Variants in PDZRN3 observed in about 807,000 individuals in gnomAD.
PDZRN3 encodes the protein PDZ domain containing ring finger 3.
In PDZRN3, 38 loss-of-function variants were observed where a neutral mutation model predicts 85.7. The observed-to-expected ratio is 0.44, with a 90% CI of 0.34 to 0.58. The LOEUF is 0.58. Among genes scored for constraint, PDZRN3 ranks in the 20% least tolerant of loss-of-function variants. The probability of loss-of-function intolerance (pLI) is 0.01; values close to 1 mark genes in which losing one functional copy is unlikely to be tolerated. For missense variants in PDZRN3, 1,629 were observed against 1,506.4 expected (o/e 1.08, Z -1.35); for synonymous variants, 759 against 638.0 (o/e 1.19, Z -2.86).
chr3:73,415,052 C>T (rs947756347), intron 3 of PDZRN3, among the ~76,000 whole-genome samples: 1 of 152,150 alleles, frequency 6.6e-6, no homozygotes, highest in African/African-American at 2.4e-5. Context: ...GCGAATGTCT[C>T]CATGCTCAGC....
At chr3:73,600,643 A>T (rs988520292) in intron 3 of PDZRN3, among the ~76,000 whole-genome samples, 1 of 152,124 alleles carries the variant, frequency 6.6e-6, no homozygotes, top group Non-Finnish European at 1.5e-5. Context: ...TCAAATACAG[A>T]TCATCCTTTG....
At chr3:73,609,416 G>T (rs1702650998) in intron 1 of PDZRN3, among the ~76,000 whole-genome samples, 1 of 152,298 alleles carries the variant, frequency 6.6e-6, no homozygotes, top group African/African-American at 2.4e-5. Flanking sequence ...AGATGCCAGG[G>T]AGAGTGTTCT....
chr3:73,562,669 T>C (rs115227465), intron 3 of PDZRN3, among the ~76,000 whole-genome samples: 1,642 of 152,074 alleles, frequency 0.011, 45 homozygotes, highest in African/African-American at 0.037. Flanking sequence ...TAATTTGGGG[T>C]ACAATGGATT....
chr3:73,428,559 C>T (rs915491248), intron 3 of PDZRN3, among the ~76,000 whole-genome samples: 3 of 152,100 alleles, frequency 2.0e-5, no homozygotes, highest in Admixed American at 1.3e-4. Context: ...GTGCAGGGCA[C>T]CTTGGAATAC....
intron 3 of PDZRN3, among the ~76,000 whole-genome samples, chr3:73,593,337 T>C (rs1702387414): frequency 6.6e-6 from 1 of 152,214 alleles, no homozygotes; most frequent in South Asian, 2.1e-4. Flanking sequence ...TTTAAAATGC[T>C]TTGTGGATTA....
chr3:73,540,738 C>T (rs531943042), intron 3 of PDZRN3, among the ~76,000 whole-genome samples: 29 of 152,308 alleles, frequency 1.9e-4, no homozygotes, highest in Admixed American at 1.8e-3. Flanking sequence ...TCAATTAAAC[C>T]TCTTTCCTTC....
At chr3:73,577,830 GA>G (rs1702146790) in intron 3 of PDZRN3, among the ~76,000 whole-genome samples, 1 of 152,204 alleles carries the variant, frequency 6.6e-6, no homozygotes, top group African/African-American at 2.4e-5. Context: ...CTGTACCCCA[GA>G]GTTTAATGGA....
chr3:73,439,958 G>T (rs1340129546), intron 3 of PDZRN3, among the ~76,000 whole-genome samples: 2 of 151,952 alleles, frequency 1.3e-5, no homozygotes, highest in African/African-American at 4.8e-5. Context: ...GGCTGGTCTT[G>T]AACTCCTGAC....
At chr3:73,458,549 T>C (rs1326347234) in intron 3 of PDZRN3, among the ~76,000 whole-genome samples, 2 of 147,944 alleles carry the variant, frequency 1.4e-5, no homozygotes, top group Non-Finnish European at 3.0e-5. Context: ...TGAACACTTA[T>C]TACATACTAG....
rs1702754770 is a variant in PDZRN3, at chr3:73,446,704, CAG to C, written c.919-42311_919-42310del. Among the ~76,000 whole-genome samples, 13 of 152,256 alleles carry C rather than the reference CAG, an allele frequency of 8.5e-5. No homozygotes were observed. In the South Asian group the frequency reaches 2.7e-3, roughly 32 times the overall value. On this transcript the variant is annotated intron_variant, in intron 3 of 9. Transcript: ENST00000263666. ...GCTGAGGAAGAACGTGGATGGAAAA[CAG>C]ACTGCTTCTGGCGATGTGAACCTTC...
intron 3 of PDZRN3, among the ~76,000 whole-genome samples, chr3:73,576,648 G>C (rs1382717102): frequency 6.6e-6 from 1 of 152,160 alleles, no homozygotes; most frequent in Non-Finnish European, 1.5e-5. Flanking sequence ...GTTTCTTAAA[G>C]AGCCTGGTGA....
chr3:73,606,485 A>C (rs537529631), intron 2 of PDZRN3, among the ~76,000 whole-genome samples: 5 of 152,342 alleles, frequency 3.3e-5, no homozygotes, highest in African/African-American at 1.2e-4. Context: ...CCCTGGCAGC[A>C]AGGACTAAAT....
At chr3:73,499,899 T>C (rs935234328) in intron 3 of PDZRN3, among the ~76,000 whole-genome samples, 2 of 152,192 alleles carry the variant, frequency 1.3e-5, no homozygotes, top group African/African-American at 4.8e-5. Flanking sequence ...TGAGTCAACA[T>C]ACAGAGCCTA....
At chr3:73,528,320 C>G (rs756806895) in intron 3 of PDZRN3, among the ~76,000 whole-genome samples, 2 of 152,140 alleles carry the variant, frequency 1.3e-5, no homozygotes, top group East Asian at 3.8e-4. Context: ...TAAGGAGTCT[C>G]GAGGCTACCA....
chr3:73,486,685 T>G (rs1046489405), intron 3 of PDZRN3, among the ~76,000 whole-genome samples: 2 of 152,200 alleles, frequency 1.3e-5, no homozygotes, highest in Admixed American at 1.3e-4. Flanking sequence ...ATTTGTCAGG[T>G]CTATGAAAGT....
chr3:73,546,440 A>C (rs949477454), intron 3 of PDZRN3, among the ~76,000 whole-genome samples: 1 of 152,256 alleles, frequency 6.6e-6, no homozygotes, highest in African/African-American at 2.4e-5. Context: ...GTCTGTCCTT[A>C]GATCATAAAA....
intron 3 of PDZRN3, among the ~76,000 whole-genome samples, chr3:73,458,099 C>T (rs1364848564): frequency 6.6e-6 from 1 of 152,174 alleles, no homozygotes; most frequent in East Asian, 1.9e-4. Flanking sequence ...GTGGTCTGTC[C>T]TTGCTTTTTA....
chr3:73,383,880 C>G lies in PDZRN3; in HGVS notation c.2686G>C (p.Ala896Pro), dbSNP rs777216975. ...CTCACCAGGCTCATCTGGCTTTGCG[C>G]GTACTCCACGGCCGACTTCTGCTGG... Reference protein sequence around the residue: ...LIQQKSAVEYAQSQMSLVSMC... With the variant: ...LIQQKSAVEYPQSQMSLVSMC... Residue 896 changes from alanine (A) to proline (P), a missense_variant, in exon 10 of 10, where the codon GCG becomes CCG. Transcript: ENST00000263666. 3 of 1,613,242 alleles carry G rather than the reference C, an allele frequency of 1.9e-6. No individual in the cohort carries two copies. Among genetic ancestry groups the G allele is most frequent in the Non-Finnish European group, 2.5e-6 (3 of 1,179,734 alleles).
At chr3:73,500,933 C>G (rs80000147) in intron 3 of PDZRN3, among the ~76,000 whole-genome samples, 3 of 151,858 alleles carry the variant, frequency 2.0e-5, no homozygotes, top group Admixed American at 2.0e-4. Context: ...TTTTTTCTTA[C>G]TTGGTGTTTT....
Sources: allele counts gnomAD v4.1 joint callset (sites outside exome capture counted in the v4.1 genomes callset), GRCh38; gene constraint gnomAD v4.1.1; transcripts MANE v1.5; gene names NCBI Gene and HGNC (gene_info 2026-07-23, HGNC 2026-07-21).